Variants in SNTB1 observed in about 807,000 individuals in gnomAD.
The protein encoded by SNTB1 is beta-1-syntrophin.
In SNTB1, 36 loss-of-function variants were observed where a neutral mutation model predicts 48.9. The observed-to-expected ratio is 0.74, with a 90% CI of 0.56 to 0.97. The LOEUF is 0.97. Among genes scored for constraint, SNTB1 ranks in the 50% least tolerant of loss-of-function variants. The pLI is 0.00. For missense variants in SNTB1, 786 were observed against 703.4 expected, an observed-to-expected ratio of 1.12 and a Z score of -1.33; for synonymous variants, 299 against 294.6, an observed-to-expected ratio of 1.01 and a Z score of -0.15.
At chr8:120,580,142 C>T (rs1177928159) in intron 3 of SNTB1, among the ~76,000 whole-genome samples, 1 of 152,212 alleles carries the variant, frequency 6.6e-6, no homozygotes, top group Non-Finnish European at 1.5e-5. Context: ...TGCTTTACAG[C>T]TCTTTGTTCA....
At chr8:120,699,846 T>C (rs1818275503) in intron 1 of SNTB1, among the ~76,000 whole-genome samples, 1 of 152,140 alleles carries the variant, frequency 6.6e-6, no homozygotes, top group South Asian at 2.1e-4. Flanking sequence ...AACAGAGGAA[T>C]TCTCTCAGGA....
rs10099796 is a variant in SNTB1 at position 120,787,809 on chromosome 8, G to A, written c.571+23464C>T. On this transcript the variant is annotated intron_variant, in intron 1 of 6. Coordinates refer to ENST00000517992, the MANE Select transcript of SNTB1 (RefSeq NM_021021.4). ...AAAAAGTTTGGGAAACCTATTTGAG[G>A]GAATGATGAAGGAAAACTTCCCTGG... Among the ~76,000 whole-genome samples the A allele has an allele frequency of 2.3e-3, 356 of 152,252 alleles. 1 individual carries two copies. The highest frequency in any genetic ancestry group is 8.2e-3 in the African/African-American group (340 of 41,540).
chr8:120,574,298 G>A (rs531975737), intron 4 of SNTB1, among the ~76,000 whole-genome samples: 32 of 152,232 alleles, frequency 2.1e-4, no homozygotes, highest in African/African-American at 6.5e-4. Context: ...ACAGCATAGC[G>A]CCTATAGCTA....
At position 120,675,288 on chromosome 8, in the gene SNTB1, G is replaced by A. The variant is rs144012964; in HGVS notation, c.788+18404C>T. On this transcript the variant is annotated intron_variant, in intron 2 of 6. Coordinates refer to ENST00000517992, the MANE Select transcript of SNTB1 (RefSeq NM_021021.4). ...TTACAAAACAGGCTAAGCTTCCTGA[G>A]AATTACTGGTGTTTCTCAGAAAATA... Among the ~76,000 whole-genome samples, 874 of 152,264 alleles carry A rather than the reference G, an allele frequency of 5.7e-3. 4 individuals are homozygous for A. The highest frequency in any genetic ancestry group is 0.01 in the Non-Finnish European group (703 of 68,028).
chr8:120,578,325 G>A (rs1274765607), intron 3 of SNTB1, among the ~76,000 whole-genome samples: 4 of 151,996 alleles, frequency 2.6e-5, no homozygotes, highest in African/African-American at 9.7e-5. Context: ...CATACCTTGT[G>A]CTACATACGC....
At chr8:120,700,959 A>G (rs964463855) in intron 1 of SNTB1, among the ~76,000 whole-genome samples, 1 of 152,236 alleles carries the variant, frequency 6.6e-6, no homozygotes, top group Non-Finnish European at 1.5e-5. Context: ...TCATTGCTTT[A>G]GAGGATGTAA....
Position 120,811,581 on chromosome 8 carries a change from G to A in SNTB1, c.263C>T (p.Pro88Leu). Residue 88 changes from proline (P) to leucine (L), a missense_variant, in exon 1 of 7, where the codon CCC becomes CTC. By Grantham distance (98) the Pro-to-Leu change is moderately conservative. Transcript: ENST00000517992. ...GAGGAQPPDS[P>L]AGVRTAFTDL... ...GGTGAAAGCGGTGCGGACCCCGGCG[G>A]GCGAGTCCGGGGGCTGCGCGCCGCC... is the stretch of plus-strand genomic sequence containing the variant. The A allele has an allele frequency of 6.4e-7, 1 of 1,564,150 alleles. No individual in the cohort carries two copies. Among genetic ancestry groups the A allele is most frequent in the Middle Eastern group, 1.7e-4 (1 of 5,914 alleles).
chr8:120,596,927 A>T (rs898693190), intron 3 of SNTB1, among the ~76,000 whole-genome samples: 1 of 152,186 alleles, frequency 6.6e-6, no homozygotes, highest in African/African-American at 2.4e-5. Flanking sequence ...TAATGCATAG[A>T]CATCTGTGGT....
chr8:120,595,735 T>C (rs1816312284), intron 3 of SNTB1, among the ~76,000 whole-genome samples: 1 of 151,986 alleles, frequency 6.6e-6, no homozygotes, highest in Non-Finnish European at 1.5e-5. Context: ...AGGCATGCAC[T>C]ACCACGCCCG....
chr8:120,718,348 T>C (rs1031138872), intron 1 of SNTB1, among the ~76,000 whole-genome samples: 4 of 152,142 alleles, frequency 2.6e-5, no homozygotes, highest in African/African-American at 9.7e-5. Context: ...AGCTGAGCTG[T>C]CCACACATGT....
At chr8:120,732,010 C>A (rs1320459351) in intron 1 of SNTB1, among the ~76,000 whole-genome samples, 1 of 152,102 alleles carries the variant, frequency 6.6e-6, no homozygotes, top group Non-Finnish European at 1.5e-5. Flanking sequence ...CCTTTGAAAG[C>A]CCTATAAGGC....
At chr8:120,558,461 T>C (rs1815604010) in intron 4 of SNTB1, among the ~76,000 whole-genome samples, 1 of 152,192 alleles carries the variant, frequency 6.6e-6, no homozygotes, top group Admixed American at 6.5e-5. Context: ...CTTCACAAAA[T>C]TGATTAGTTA....
At chr8:120,700,156 C>CGTGTGTGTGTGTGTGTGTGTGTGTGT (rs58077307) in intron 1 of SNTB1, among the ~76,000 whole-genome samples, 212 of 149,242 alleles carry the variant, frequency 1.4e-3, no homozygotes, top group African/African-American at 5.0e-3. Context: ...AAAAAAATTG[C>CGTGTGTGTGTGTGTGTGTGTGTGTGT]GTGTGTGTGT....
chr8:120,563,192 G>A (rs1273134408), intron 4 of SNTB1, among the ~76,000 whole-genome samples: 1 of 151,900 alleles, frequency 6.6e-6, no homozygotes, highest in African/African-American at 2.4e-5. Flanking sequence ...GAAATAATGT[G>A]ACCTTAATCC....
At chr8:120,574,952 T>C in intron 4 of SNTB1, 134 bp downstream of exon 4, 1 of 1,025,490 alleles carries the variant, frequency 9.8e-7, no homozygotes, top group Non-Finnish European at 1.4e-6. Flanking sequence ...GCTAAAAATG[T>C]GTGGCTATAT....
At position 120,548,834 on chromosome 8, in the gene SNTB1, G is replaced by A. The variant is rs1347609720; in HGVS notation, c.1261C>T (p.Leu421Phe). The A allele has an allele frequency of 2.0e-5, 33 of 1,613,960 alleles. No individual in the cohort carries two copies. The highest frequency in any genetic ancestry group is 2.4e-5 in the Non-Finnish European group (28 of 1,180,004). ...ACTATGCTCCTTGTCCAGTGGGAGA[G>A]GTCCCTGCTGGTCTCTGCTCTGAAG... ...HLFRAETSRD[L>F]SHWTRSIVQG... is the part of the protein sequence containing the mutation. The change falls in exon 5 of 7, where the codon CTC becomes TTC. Residue 421 changes from leucine to phenylalanine, a missense_variant. Leu to Phe is a conservative substitution (Grantham distance 22). Coordinates refer to ENST00000517992, the MANE Select transcript of SNTB1 (RefSeq NM_021021.4).
intron 1 of SNTB1, among the ~76,000 whole-genome samples, chr8:120,737,876 A>C (rs1011431583): frequency 6.6e-6 from 1 of 152,194 alleles, no homozygotes; most frequent in Non-Finnish European, 1.5e-5. Flanking sequence ...TGATATGTCC[A>C]TAAATGCTAT....
chr8:120,656,693 G>A (rs1038459418), intron 2 of SNTB1, among the ~76,000 whole-genome samples: 1 of 152,096 alleles, frequency 6.6e-6, no homozygotes, highest in East Asian at 1.9e-4. Context: ...AGAGTCTGAG[G>A]GCCTATTTTT....
At chr8:120,810,749 C>T (rs1406032307) in intron 1 of SNTB1, among the ~76,000 whole-genome samples, 1 of 152,128 alleles carries the variant, frequency 6.6e-6, no homozygotes, top group Non-Finnish European at 1.5e-5. Context: ...AATATTGCCA[C>T]CTCTCTCTCA....
Sources: gnomAD v4.1 joint callset for allele counts (sites outside exome capture counted in the v4.1 genomes callset) on GRCh38, gnomAD v4.1.1 for gene constraint, MANE v1.5 for transcripts, NCBI Gene and HGNC (gene_info 2026-07-23, HGNC 2026-07-21) for gene names.